KLK8: variants seen among roughly 807,000 people sequenced by gnomAD.
KLK8 encodes kallikrein related peptidase 8.
Under a neutral mutation model 26.7 loss-of-function variants are expected in KLK8, and 18 were observed. The ratio of observed to expected loss-of-function variants is 0.67; its 90% CI spans 0.47 to 1.00. The LOEUF is 1.00. KLK8 is among the 50% of genes least tolerant of loss of function. The pLI is 0.00. For missense variants in KLK8, 301 were observed against 331.7 expected, an observed-to-expected ratio of 0.91 and a Z score of 0.72; for synonymous variants, 137 against 127.1, an observed-to-expected ratio of 1.08 and a Z score of -0.52.
chr19:50,998,555 C>A (rs771012214), intron 5 of KLK8, among the ~76,000 whole-genome samples: 1 of 152,122 alleles, frequency 6.6e-6, no homozygotes, highest in Non-Finnish European at 1.5e-5. Context: ...TGGAATTGAT[C>A]TTTTTTATTA....
intron 3 of KLK8, 83 bp from the exon 3 acceptor site, chr19:51,000,666 A>T (rs1231158683): frequency 6.3e-7 from 1 of 1,582,800 alleles, no homozygotes; most frequent in Non-Finnish European, 8.6e-7. Context: ...TCAAATGGAC[A>T]CACGGCAAGT....
At chr19:50,996,173 C>T in exon 7 of KLK8, 1 of 1,614,248 alleles carries the variant, frequency 6.2e-7, no homozygotes, top group Non-Finnish European at 8.5e-7. Context: ...ATGTGATGCC[C>T]TGGAGTGCAC....
rs1179681823 is a variant in KLK8 at position 50,996,833 on chromosome 19, T to C, written c.628-619A>G. Among the ~76,000 whole-genome samples, 3 of 148,880 alleles carry C rather than the reference T, an allele frequency of 2.0e-5. No homozygotes were observed. In the East Asian group the frequency reaches 5.9e-4, roughly 29 times the overall value. The stretch of plus-strand genomic sequence containing the variant: ...TGAAGTTTCCTCTGTTCCTGGCCAA[T>C]AGTGAAGGCATCATTGATTGCAGTT... On this transcript the variant is annotated intron_variant, in intron 6 of 6. Coordinates refer to ENST00000600767, the Ensembl canonical transcript of KLK8.
At chr19:51,001,027 C>G in intron 3 of KLK8, 71 bp downstream of exon 2, 1 of 1,409,258 alleles carries the variant, frequency 7.1e-7, no homozygotes, top group African/African-American at 1.4e-5. Context: ...CCGCGGCATT[C>G]CCACAGACTC....
chr19:50,999,750 C>A (rs2091203811), intron 5 of KLK8, among the ~76,000 whole-genome samples: 1 of 151,882 alleles, frequency 6.6e-6, no homozygotes, highest in Non-Finnish European at 1.5e-5. Context: ...GGGTAGTGCT[C>A]TCCGCCATAC....
chr19:50,997,668 A>G (rs1459720827), intron 6 of KLK8, 83 bp downstream of exon 5: 6 of 1,496,148 alleles, frequency 4.0e-6, no homozygotes, highest in Non-Finnish European at 5.5e-6. Flanking sequence ...TCACTCCCTT[A>G]CCACCCCCAC....
chr19:50,998,834 G>A (rs1414896078), intron 5 of KLK8: 1 of 152,144 alleles, frequency 6.6e-6, no homozygotes, highest in Non-Finnish European at 1.5e-5. Context: ...GAACCCTCAC[G>A]TAGCTAAAAA....
At chr19:50,999,498 A>G (rs10401906) in intron 5 of KLK8, among the ~76,000 whole-genome samples, 5,735 of 147,922 alleles carry the variant, frequency 0.039, 218 homozygotes, top group African/African-American at 0.094. Flanking sequence ...AGAATCGCTT[A>G]AACCCAGGAG....
At chr19:50,996,097 G>A in exon 7 of KLK8, 1 of 1,614,220 alleles carries the variant, frequency 6.2e-7, no homozygotes, top group Non-Finnish European at 8.5e-7. Context: ...ATCCAGTCCA[G>A]GTAGCGGCAG....
At chr19:51,000,176 G>A (rs1264636974) in exon 5 of KLK8, 1 of 1,612,652 alleles carries the variant, frequency 6.2e-7, no homozygotes, top group Admixed American at 1.7e-5. Context: ...CAGGGGTGTG[G>A]GATGGACTGA....
At position 50,996,552 on chromosome 19, in the gene KLK8, G is replaced by A. The variant is rs564654349; in HGVS notation, c.628-338C>T. 9.2e-5 allele frequency among the ~76,000 whole-genome samples: 14 copies of A among 152,106 alleles called. No homozygotes were observed. The South Asian group carries it at 2.7e-3, about 29-fold the overall frequency. On this transcript the variant is annotated intron_variant, in intron 6 of 6. Coordinates refer to ENST00000600767, the Ensembl canonical transcript of KLK8. ...GTTCCAGACCAGCCTGGCCAACATG[G>A]TGAATCCCTGTCTCTACTAAAAATA...
chr19:51,000,848 G>T, intron 3 of KLK8: 1 of 972,812 alleles, frequency 1.0e-6, no homozygotes, highest in Non-Finnish European at 1.5e-6. Flanking sequence ...ATGCCCCCAA[G>T]CAAGCAGCCC....
intron 4 of KLK8, 51 bp from the exon 4 acceptor site, chr19:51,000,309 C>G (rs749096592): frequency 6.5e-7 from 1 of 1,545,816 alleles, no homozygotes; most frequent in Middle Eastern, 1.8e-4. Flanking sequence ...TGCCCCCAGC[C>G]CCCTCCTCCT....
At chr19:50,999,633 G>A (rs1191240822) in intron 5 of KLK8, among the ~76,000 whole-genome samples, 24 of 129,988 alleles carry the variant, frequency 1.8e-4, no homozygotes, top group Non-Finnish European at 2.8e-4. Context: ...AAGGAGGGAG[G>A]TGGGGGAGAA....
At chr19:51,000,105 G>C in exon 5 of KLK8, 2 of 1,614,072 alleles carry the variant, frequency 1.2e-6, no homozygotes, top group Non-Finnish European at 1.7e-6. Flanking sequence ...GGGATGCCTG[G>C]TCACGCAGTT....
At chr19:50,998,087 C>G in intron 5 of KLK8, 2 of 581,260 alleles carry the variant, frequency 3.4e-6, no homozygotes, top group Non-Finnish European at 5.9e-6. Context: ...CTTTCTCCAT[C>G]TAGAGAGGGG....
exon 7 of KLK8, chr19:50,996,165 G>A: frequency 1.9e-6 from 3 of 1,614,244 alleles, no homozygotes; most frequent in Non-Finnish European, 2.5e-6. Flanking sequence ...GCCCCAGGAT[G>A]TGATGCCCTG....
chr19:50,998,422 C>T (rs940166994), intron 5 of KLK8, among the ~76,000 whole-genome samples: 1 of 152,212 alleles, frequency 6.6e-6, no homozygotes, highest in Admixed American at 6.5e-5. Context: ...TCCCACCTAG[C>T]TTGCAACTCC....
intron 5 of KLK8, among the ~76,000 whole-genome samples, chr19:50,999,583 CAAAAAAAAAAAAAAAAAAAAAAA>C (rs56988162): frequency 1.0e-3 from 31 of 30,296 alleles, no homozygotes; most frequent in East Asian, 3.0e-3. Context: ...TGTCCCCCTG[CAAAAAAAAAAAAAAAAAAAAAAA>C]AAAAAAAAAA....
Sources: allele counts gnomAD v4.1 joint callset (sites outside exome capture counted in the v4.1 genomes callset), GRCh38; gene constraint gnomAD v4.1.1; transcripts MANE v1.5; gene names NCBI Gene and HGNC (gene_info 2026-07-23, HGNC 2026-07-21).